Variants in DOCK4 observed in about 807,000 individuals in gnomAD.
DOCK4 encodes the protein dedicator of cytokinesis protein 4.
A neutral mutation model predicts 268.1 loss-of-function variants in DOCK4; 97 were observed. That is an observed-to-expected ratio of 0.36 (90% CI 0.31 to 0.43). The LOEUF (loss-of-function observed/expected upper bound fraction) is 0.43, where lower values mean the gene tolerates loss of function less well. DOCK4 is among the 20% of genes least tolerant of loss of function. The pLI is 1.00. For missense variants in DOCK4, 2,145 were observed against 2,455.7 expected (o/e 0.87, Z 2.67); for synonymous variants, 954 against 887.2 (o/e 1.08, Z -1.34).
chr7:111,856,081 C>T (rs1804985974), intron 23 of DOCK4, among the ~76,000 whole-genome samples: 1 of 152,186 alleles, frequency 6.6e-6, no homozygotes, highest in African/African-American at 2.4e-5. Context: ...ATTCCCACTA[C>T]CTTGCAAGCC....
rs548606856 is a variant in DOCK4, at chr7:112,138,601, G to A, written c.37+67501C>T. 5.9e-5 allele frequency among the ~76,000 whole-genome samples: 9 copies of A among 152,274 alleles called. No homozygotes were observed. The East Asian group carries it at 1.5e-3, about 26-fold the overall frequency. On this transcript the variant is annotated intron_variant, in intron 1 of 52. Transcript: ENST00000428084. Reference sequence around the variant, plus strand: ...CAAGGGCAGTTCCCAATTCCAGGAAGTCAGAGCTATTAACAACACACCTGC... The same window carrying A: ...CAAGGGCAGTTCCCAATTCCAGGAAATCAGAGCTATTAACAACACACCTGC...
chr7:112,193,946 T>A (rs1014239333), intron 1 of DOCK4, among the ~76,000 whole-genome samples: 1 of 152,020 alleles, frequency 6.6e-6, no homozygotes, highest in African/African-American at 2.4e-5. Flanking sequence ...ATGCTACCTA[T>A]GAAGAGAGCA....
At position 111,727,658 on chromosome 7, in the gene DOCK4, A is replaced by G. The variant is rs905489475; in HGVS notation, c.*616T>C. 1 of 152,510 alleles carries G rather than the reference A, an allele frequency of 6.6e-6. No homozygotes were observed. The highest frequency in any genetic ancestry group is 2.4e-5 in the African/African-American group (1 of 41,460). The allele number at this position is 152,510 out of a possible 1,614,324, so 9.4% of individuals were successfully genotyped here. A position where few individuals can be genotyped will look rare whatever the true frequency, so the allele number is the denominator to read the frequency against. The stretch of plus-strand genomic sequence containing the variant: ...AGGGATTTAGCTACCAATTCACAAA[A>G]TAGAATTTTACGAATGTAGACAGCA... On this transcript the variant is annotated 3_prime_UTR_variant, in exon 53 of 53. Transcript: ENST00000428084.
At chr7:111,873,687 AC>A (rs972412251) in intron 17 of DOCK4, among the ~76,000 whole-genome samples, 3 of 152,176 alleles carry the variant, frequency 2.0e-5, no homozygotes, top group African/African-American at 7.2e-5. Context: ...TATAGAGAAC[AC>A]CAGTGAGAAA....
At chr7:112,151,023 C>CT (rs1816011472) in intron 1 of DOCK4, among the ~76,000 whole-genome samples, 1 of 152,192 alleles carries the variant, frequency 6.6e-6, no homozygotes, top group African/African-American at 2.4e-5. Flanking sequence ...CTTATCTCCA[C>CT]TAAGCACAAC....
chr7:112,041,031 G>A (rs752236767), intron 1 of DOCK4, among the ~76,000 whole-genome samples: 9 of 151,958 alleles, frequency 5.9e-5, no homozygotes, highest in Non-Finnish European at 1.3e-4. Context: ...TTTTTGGTAA[G>A]ACAATGATAA....
chr7:112,171,619 C>T (rs569987221), intron 1 of DOCK4, among the ~76,000 whole-genome samples: 2 of 152,266 alleles, frequency 1.3e-5, no homozygotes, highest in Non-Finnish European at 2.9e-5. Flanking sequence ...CAAAAACCTG[C>T]ACAAATCTGG....
intron 2 of DOCK4, among the ~76,000 whole-genome samples, chr7:112,001,667 T>C (rs1562978684): frequency 6.6e-6 from 1 of 152,232 alleles, no homozygotes; most frequent in Non-Finnish European, 1.5e-5. Context: ...AAATGAATCT[T>C]CTATTCATGA....
intron 1 of DOCK4, among the ~76,000 whole-genome samples, chr7:112,128,570 A>T (rs1813483848): frequency 6.6e-6 from 1 of 152,354 alleles, no homozygotes; most frequent in East Asian, 1.9e-4. Flanking sequence ...GTTCTGTACT[A>T]AGAGAAATTC....
At chr7:111,833,372 C>A (rs1244410554) in intron 26 of DOCK4, among the ~76,000 whole-genome samples, 1 of 151,830 alleles carries the variant, frequency 6.6e-6, no homozygotes, top group African/African-American at 2.4e-5. Context: ...TGAGACCCTG[C>A]CTCTACAAAA....
At position 112,162,890 on chromosome 7, in the gene DOCK4, C is replaced by G. The variant is rs112571032; in HGVS notation, c.37+43212G>C. On this transcript the variant is annotated intron_variant, in intron 1 of 52. Transcript: ENST00000428084. ...ATGTTCTCAAGCACTATTGAATTATCCAAGGACACTTGACTTTCCAGTAAA... is the reference window on the plus strand; with the variant it reads ...ATGTTCTCAAGCACTATTGAATTATGCAAGGACACTTGACTTTCCAGTAAA... Among the ~76,000 whole-genome samples, 439 of 152,238 alleles carry G rather than the reference C, an allele frequency of 2.9e-3. 1 individual carries two copies. Among genetic ancestry groups the G allele is most frequent in the African/African-American group, 0.01 (418 of 41,550 alleles).
intron 15 of DOCK4, among the ~76,000 whole-genome samples, chr7:111,898,957 T>G (rs1301577986): frequency 6.6e-6 from 1 of 152,176 alleles, no homozygotes; most frequent in Admixed American, 6.5e-5. Context: ...TATTTTCTCT[T>G]TTTCTTACCT....
intron 8 of DOCK4, among the ~76,000 whole-genome samples, chr7:111,963,215 G>A (rs1477144028): frequency 8.5e-5 from 13 of 152,178 alleles, no homozygotes; most frequent in East Asian, 1.9e-4. Context: ...CAAGATGGCC[G>A]AATAGGAACA....
chr7:112,090,162 A>G (rs1437626776), intron 1 of DOCK4, among the ~76,000 whole-genome samples: 1 of 152,226 alleles, frequency 6.6e-6, no homozygotes, highest in African/African-American at 2.4e-5. Context: ...AAATAAATGC[A>G]TAATTATCAT....
chr7:111,893,592 G>A (rs916936545), intron 16 of DOCK4, among the ~76,000 whole-genome samples: 2 of 152,140 alleles, frequency 1.3e-5, no homozygotes, highest in Non-Finnish European at 2.9e-5. Context: ...ATATCTTATC[G>A]GGCAGCCTCA....
intron 25 of DOCK4, among the ~76,000 whole-genome samples, chr7:111,834,979 A>G (rs1803123403): frequency 6.6e-6 from 1 of 152,288 alleles, no homozygotes; most frequent in Admixed American, 6.5e-5. Flanking sequence ...CACACATTTA[A>G]AGAAGGTAAG....
intron 1 of DOCK4, among the ~76,000 whole-genome samples, chr7:112,169,740 A>G (rs2116587958): frequency 6.6e-6 from 1 of 152,284 alleles, no homozygotes; most frequent in Non-Finnish European, 1.5e-5. Context: ...GAGAAGCAGA[A>G]ATTTTTCTTT....
chr7:111,907,678 G>A (rs985465629), intron 13 of DOCK4, among the ~76,000 whole-genome samples: 3 of 152,178 alleles, frequency 2.0e-5, no homozygotes, highest in Non-Finnish European at 2.9e-5. Flanking sequence ...AGTGACTAGA[G>A]CTGGAGGGTG....
chr7:112,160,200 T>C (rs1282251925), intron 1 of DOCK4, among the ~76,000 whole-genome samples: 3 of 152,328 alleles, frequency 2.0e-5, no homozygotes, highest in African/African-American at 7.2e-5. Flanking sequence ...TATCCGACTC[T>C]GTGACTCAGC....
Sources: allele counts gnomAD v4.1 joint callset (sites outside exome capture counted in the v4.1 genomes callset), GRCh38; gene constraint gnomAD v4.1.1; transcripts MANE v1.5; gene names NCBI Gene and HGNC (gene_info 2026-07-23, HGNC 2026-07-21).